Variants in CDH8 observed in about 807,000 individuals in gnomAD.
CDH8 encodes cadherin-8.
In CDH8, 17 loss-of-function variants were observed where a neutral mutation model predicts 68.1. That is an observed-to-expected ratio of 0.25 (90% CI 0.17 to 0.37). The LOEUF is 0.37. Ranked by LOEUF, CDH8 falls within the 10% of genes least tolerant of loss-of-function variation. The pLI is 1.00. For synonymous variants in CDH8, 372 were observed against 365.1 expected, an observed-to-expected ratio of 1.02 and a Z score of -0.21; for missense variants, 763 against 999.3, an observed-to-expected ratio of 0.76 and a Z score of 3.19.
rs773314759 is a variant in CDH8 at position 61,901,151 on chromosome 16, A to T, written c.547+28T>A. The T allele has an allele frequency of 3.8e-6, 6 of 1,589,228 alleles. No homozygotes were observed. The Admixed American group carries it at 8.5e-5, about 23-fold the overall frequency. On this transcript the variant is annotated intron_variant, in intron 3 of 11. Transcript: ENST00000577390. ...AGCTATTCTAAAGATGACTTTTAAT[A>T]GATCTGTGAAATTGGAAGCATACAT...
intron 2 of CDH8, among the ~76,000 whole-genome samples, chr16:61,959,385 T>C (rs951723144): frequency 2.0e-5 from 3 of 152,148 alleles, no homozygotes; most frequent in Admixed American, 6.5e-5. Flanking sequence ...CTTTGTCCCA[T>C]AGAACTTCAC....
Position 61,857,154 on chromosome 16 carries a change from T to C in CDH8, c.632A>G (p.Glu211Gly). The C allele has an allele frequency of 1.2e-6, 2 of 1,613,588 alleles. No homozygotes were observed. The highest frequency in any genetic ancestry group is 1.7e-6 in the Non-Finnish European group (2 of 1,179,644). ...NSAKLVYSIL[E>G]GQPYFSIEPE... ...CTCAATGGAAAAATAAGGCTGCCCT[T>C]CCAATATACTATAAACCAACTTTGC... is the stretch of plus-strand genomic sequence containing the variant. The change falls in exon 4 of 12, where the codon GAA (glutamate) becomes GGA (glycine). Residue 211 changes from glutamate to glycine, a missense_variant. By Grantham distance (98) the Glu-to-Gly change is moderately conservative (BLOSUM62 -2). Transcript: ENST00000577390.
chr16:61,836,012 CTT>C (rs910717332), intron 4 of CDH8, among the ~76,000 whole-genome samples: 1 of 151,890 alleles, frequency 6.6e-6, no homozygotes. Flanking sequence ...CCACCTGAGA[CTT>C]ATAAAATAGC....
intron 8 of CDH8, among the ~76,000 whole-genome samples, chr16:61,728,690 A>G (rs1959448567): frequency 6.6e-6 from 1 of 151,064 alleles, no homozygotes; most frequent in African/African-American, 2.4e-5. Context: ...AATTTGAGTA[A>G]GGTGTGGTTA....
intron 2 of CDH8, among the ~76,000 whole-genome samples, chr16:61,984,075 C>T (rs937703369): frequency 2.6e-5 from 4 of 151,930 alleles, no homozygotes; most frequent in African/African-American, 4.8e-5. Context: ...GAGCCCACCA[C>T]ACCTGGCTAA....
chr16:61,742,888 T>A (rs891115643), intron 8 of CDH8, among the ~76,000 whole-genome samples: 1 of 152,190 alleles, frequency 6.6e-6, no homozygotes, highest in Non-Finnish European at 1.5e-5. Context: ...CATTTGAGCA[T>A]GAGAACTTAT....
At chr16:61,816,304 G>A (rs1425545847) in intron 7 of CDH8, among the ~76,000 whole-genome samples, 1 of 152,104 alleles carries the variant, frequency 6.6e-6, no homozygotes, top group Non-Finnish European at 1.5e-5. Context: ...TGTCCTGCAA[G>A]GTTTTAATCT....
At chr16:61,888,800 AG>A (rs1963723411) in intron 3 of CDH8, among the ~76,000 whole-genome samples, 2 of 152,168 alleles carry the variant, frequency 1.3e-5, no homozygotes, top group African/African-American at 4.8e-5. Context: ...TGCTTCAAAA[AG>A]TGTTAACTTT....
chr16:61,926,152 GGTGTGTGTGTGT>G (rs61028306), intron 2 of CDH8, among the ~76,000 whole-genome samples: 17 of 142,116 alleles, frequency 1.2e-4, no homozygotes, highest in South Asian at 1.2e-3. Context: ...ACTCAGAAGG[GGTGTGTGTGTGT>G]GTGTGTGTGT....
intron 2 of CDH8, among the ~76,000 whole-genome samples, chr16:61,999,614 A>G (rs1355042169): frequency 6.6e-6 from 1 of 152,182 alleles, no homozygotes; most frequent in Non-Finnish European, 1.5e-5. Flanking sequence ...TATTATGAAA[A>G]TTAAATGAGA....
intron 10 of CDH8, among the ~76,000 whole-genome samples, chr16:61,657,351 C>T (rs1317463508): frequency 2.0e-5 from 3 of 151,912 alleles, no homozygotes; most frequent in Admixed American, 6.6e-5. Flanking sequence ...TATAAACAGG[C>T]CTATAATGCT....
rs139734180 is a variant in CDH8 at position 61,797,842 on chromosome 16, A to G, written c.1278-8360T>C. The stretch of plus-strand genomic sequence containing the variant: ...TGAAGCAAATTCACTCAACACGATC[A>G]ATGTATCTTTACATTATTTAGGGTA... On this transcript the variant is annotated intron_variant, in intron 7 of 11. Coordinates refer to ENST00000577390, the MANE Select transcript of CDH8 (RefSeq NM_001796.5). 9.1e-4 allele frequency among the ~76,000 whole-genome samples: 139 copies of G among 152,258 alleles called. 1 individual carries two copies. The highest frequency in any genetic ancestry group is 3.2e-3 in the African/African-American group (131 of 41,564).
At chr16:62,006,864 T>C (rs1567565834) in intron 2 of CDH8, among the ~76,000 whole-genome samples, 1 of 152,006 alleles carries the variant, frequency 6.6e-6, no homozygotes, top group African/African-American at 2.4e-5. Context: ...AATCTTGTTT[T>C]AAAATATCTT....
chr16:61,870,047 C>T (rs1963327560), intron 3 of CDH8, among the ~76,000 whole-genome samples: 1 of 152,140 alleles, frequency 6.6e-6, no homozygotes, highest in African/African-American at 2.4e-5. Context: ...TAGTTGACTC[C>T]AGTAATATAG....
intron 7 of CDH8, among the ~76,000 whole-genome samples, chr16:61,794,001 C>T (rs985674227): frequency 1.3e-5 from 2 of 152,010 alleles, no homozygotes; most frequent in African/African-American, 2.4e-5. Flanking sequence ...TTGGAATATA[C>T]TGATTTGAAC....
intron 2 of CDH8, among the ~76,000 whole-genome samples, chr16:61,911,873 G>A (rs1221662828): frequency 6.6e-6 from 1 of 152,010 alleles, no homozygotes; most frequent in Non-Finnish European, 1.5e-5. Flanking sequence ...AGATAAAACA[G>A]ATATTCAGAA....
At chr16:61,835,216 A>T (rs1350903071) in intron 4 of CDH8, among the ~76,000 whole-genome samples, 2 of 151,884 alleles carry the variant, frequency 1.3e-5, no homozygotes, top group African/African-American at 4.8e-5. Flanking sequence ...GAAAGCTTTA[A>T]ATCAGACCGC....
intron 2 of CDH8, among the ~76,000 whole-genome samples, chr16:61,965,726 T>C (rs1965237561): frequency 6.6e-6 from 1 of 152,200 alleles, no homozygotes; most frequent in South Asian, 2.1e-4. Context: ...TAAAACATGC[T>C]GATAAGGACA....
intron 3 of CDH8, among the ~76,000 whole-genome samples, chr16:61,857,642 G>C (rs1963071440): frequency 6.6e-6 from 1 of 152,014 alleles, no homozygotes; most frequent in Admixed American, 6.6e-5. Flanking sequence ...GGAAAAATTG[G>C]CTGCTGAAAA....
Sources: gnomAD v4.1 joint callset for allele counts (sites outside exome capture counted in the v4.1 genomes callset) on GRCh38, gnomAD v4.1.1 for gene constraint, MANE v1.5 for transcripts, NCBI Gene and HGNC (gene_info 2026-07-23, HGNC 2026-07-21) for gene names.